STX18: variants seen among roughly 807,000 people sequenced by gnomAD.
STX18 encodes syntaxin-18.
Under a neutral mutation model 50.1 loss-of-function variants are expected in STX18, and 40 were observed. The observed-to-expected ratio is 0.80, with a 90% CI of 0.62 to 1.04. STX18 has a LOEUF of 1.04. Among genes scored for constraint, STX18 ranks in the 50% least tolerant of loss-of-function variants. The probability of loss-of-function intolerance (pLI) is 0.00; values close to 1 mark genes in which losing one functional copy is unlikely to be tolerated. For missense variants in STX18, 410 were observed against 415.8 expected (o/e 0.99, Z 0.12); for synonymous variants, 158 against 151.8 (o/e 1.04, Z -0.30).
intron 1 of STX18, among the ~76,000 whole-genome samples, chr4:4,518,775 C>G (rs1174169040): frequency 6.6e-6 from 1 of 152,144 alleles, no homozygotes; most frequent in African/African-American, 2.4e-5. Flanking sequence ...ACACCCAGTT[C>G]TAGCCTAGCT....
intron 1 of STX18, among the ~76,000 whole-genome samples, chr4:4,516,591 A>C (rs758660837): frequency 3.3e-5 from 5 of 152,220 alleles, no homozygotes; most frequent in Admixed American, 1.3e-4. Context: ...CAAGTGAAAA[A>C]CAGAAACAAG....
intron 5 of STX18, among the ~76,000 whole-genome samples, chr4:4,444,403 G>A (rs531677295): frequency 1.3e-5 from 2 of 152,234 alleles, no homozygotes; most frequent in Middle Eastern, 3.4e-3. Flanking sequence ...AGTTAACTAC[G>A]GCCTGCTATG....
chr4:4,515,196 T>G (rs1466113761), intron 1 of STX18, among the ~76,000 whole-genome samples: 1 of 152,074 alleles, frequency 6.6e-6, no homozygotes, highest in Non-Finnish European at 1.5e-5. Context: ...TATAATATAC[T>G]AGGAATGGTT....
chr4:4,466,882 G>A (rs1727644590), intron 2 of STX18, among the ~76,000 whole-genome samples: 1 of 152,106 alleles, frequency 6.6e-6, no homozygotes. Context: ...CTGAAGATTT[G>A]GAGGCTCGAT....
intron 1 of STX18, among the ~76,000 whole-genome samples, chr4:4,537,122 C>G (rs958388643): frequency 6.6e-6 from 1 of 152,160 alleles, no homozygotes; most frequent in African/African-American, 2.4e-5. Context: ...TGGTAGCCCC[C>G]CCTGGCTCCT....
chr4:4,532,987 T>C (rs1349967043), intron 1 of STX18, among the ~76,000 whole-genome samples: 2 of 152,230 alleles, frequency 1.3e-5, no homozygotes, highest in Admixed American at 1.3e-4. Flanking sequence ...TAAGAACATT[T>C]TGACAAACAG....
chr4:4,498,189 G>A (rs1428806824), intron 1 of STX18, among the ~76,000 whole-genome samples: 2 of 152,246 alleles, frequency 1.3e-5, no homozygotes, highest in East Asian at 1.9e-4. Flanking sequence ...TACAACTCAT[G>A]TATGTATGTC....
At chr4:4,476,450 T>C (rs1361752751) in intron 1 of STX18, among the ~76,000 whole-genome samples, 4 of 152,226 alleles carry the variant, frequency 2.6e-5, no homozygotes, top group Admixed American at 1.3e-4. Context: ...GAGCTGGAAC[T>C]AGAACCCTTA....
chr4:4,447,474 C>G lies in STX18; in HGVS notation c.498-8965G>C, dbSNP rs987768422. Among the ~76,000 whole-genome samples, 7 of 151,254 alleles carry G rather than the reference C, an allele frequency of 4.6e-5. No homozygotes were observed. In the East Asian group the frequency reaches 7.8e-4, roughly 17 times the overall value. On this transcript the variant is annotated intron_variant, in intron 5 of 10. Transcript: ENST00000306200. ...GGCGTGGTAGCGGGCGCCTGTAGTC[C>G]CAGCTACTCGGGAGGCTGAGGCAGG...
intron 5 of STX18, among the ~76,000 whole-genome samples, chr4:4,454,599 G>A (rs1235254990): frequency 6.6e-6 from 1 of 152,140 alleles, no homozygotes; most frequent in Non-Finnish European, 1.5e-5. Context: ...GGAGCTAACT[G>A]GTCTCATCGT....
chr4:4,429,368 T>C lies in STX18; in HGVS notation c.703-4146A>G, dbSNP rs568440362. ...GATACAAATCCACATTGTGAATATA[T>C]TGTTATAGAAATCCTTTTCTAATCT... is the stretch of plus-strand genomic sequence containing the variant. On this transcript the variant is annotated intron_variant, in intron 7 of 10. Transcript: ENST00000306200. Among the ~76,000 whole-genome samples, 6 of 152,352 alleles carry C rather than the reference T, an allele frequency of 3.9e-5. No homozygotes were observed. In the South Asian group the frequency reaches 1.0e-3, roughly 26 times the overall value.
intron 1 of STX18, chr4:4,499,702 G>A (rs766322530): frequency 1.4e-5 from 3 of 209,682 alleles, no homozygotes; most frequent in African/African-American, 2.4e-5. Context: ...TTCTATCAAC[G>A]AGATTTATGA....
intron 1 of STX18, among the ~76,000 whole-genome samples, chr4:4,538,396 C>T (rs1731439133): frequency 6.6e-6 from 1 of 152,158 alleles, no homozygotes; most frequent in Non-Finnish European, 1.5e-5. Context: ...TTTACGAATG[C>T]AGACAGTACT....
chr4:4,504,974 T>C (rs1244976864), intron 1 of STX18, among the ~76,000 whole-genome samples: 2 of 152,208 alleles, frequency 1.3e-5, no homozygotes, highest in South Asian at 4.1e-4. Context: ...TGCAATTCCA[T>C]GGTTTTTAGT....
At chr4:4,451,930 G>A (rs1034269073) in intron 5 of STX18, among the ~76,000 whole-genome samples, 1 of 152,182 alleles carries the variant, frequency 6.6e-6, no homozygotes, top group Admixed American at 6.5e-5. Context: ...GCTGAGACAG[G>A]CTAAAAGTTA....
chr4:4,448,645 T>TG (rs1279948828), intron 5 of STX18, among the ~76,000 whole-genome samples: 2 of 152,106 alleles, frequency 1.3e-5, no homozygotes, highest in Non-Finnish European at 2.9e-5. Flanking sequence ...CCCAGCCAAT[T>TG]TTATCCTCTT....
chr4:4,484,083 T>G (rs111335005), intron 1 of STX18, among the ~76,000 whole-genome samples: 6 of 152,078 alleles, frequency 3.9e-5, no homozygotes, highest in African/African-American at 2.4e-5. Context: ...AGGATGGTCT[T>G]GATCTCCTGA....
intron 2 of STX18, among the ~76,000 whole-genome samples, chr4:4,463,933 G>A (rs1474903112): frequency 6.6e-6 from 1 of 152,048 alleles, no homozygotes; most frequent in Admixed American, 6.5e-5. Context: ...AGTAGACAAA[G>A]CATCAAGGAT....
intron 1 of STX18, among the ~76,000 whole-genome samples, chr4:4,522,719 CAAAG>C (rs145418090): frequency 0.042 from 6,414 of 152,010 alleles, 214 homozygotes; most frequent in Non-Finnish European, 0.064. Context: ...GTGGAAGAAA[CAAAG>C]AAAAGTATAA....
Sources: gnomAD v4.1 joint callset for allele counts (sites outside exome capture counted in the v4.1 genomes callset) on GRCh38, gnomAD v4.1.1 for gene constraint, MANE v1.5 for transcripts, NCBI Gene and HGNC (gene_info 2026-07-23, HGNC 2026-07-21) for gene names.